IRX6: variants seen among roughly 807,000 people sequenced by gnomAD.
The protein encoded by IRX6 is iroquois-class homeodomain protein IRX-6.
IRX6 carries 46 observed loss-of-function variants against 47.7 expected under a neutral mutation model. The observed-to-expected ratio is 0.96, with a 90% CI of 0.76 to 1.23. The LOEUF is 1.23. Ranked by LOEUF, IRX6 falls within the 50% of genes most tolerant of loss-of-function variation. The pLI, the probability that IRX6 is intolerant of heterozygous loss-of-function variation, is 0.00. For synonymous variants in IRX6, 265 were observed against 246.2 expected, an observed-to-expected ratio of 1.08 and a Z score of -0.72; for missense variants, 722 against 588.0, an observed-to-expected ratio of 1.23 and a Z score of -2.36.
In IRX6 at chr16:55,327,671, G is replaced by A. The variant is rs532401556; in HGVS notation, c.499G>A (p.Glu167Lys). 25 of 1,612,336 alleles carry A rather than the reference G, an allele frequency of 1.6e-5. No individual in the cohort carries two copies. In the South Asian group the frequency reaches 1.6e-4, roughly 11 times the overall value. ...TTSTLKAWLN[E>K]HRKNPYPTKG... is the part of the protein sequence containing the mutation. ...CAGTACACTCAAGGCCTGGCTCAAC[G>A]AGCACCGCAAAAACCCCTACCCCAC... Residue 167 changes from glutamate (E) to lysine (K), a missense_variant, in exon 4 of 6, where the codon GAG becomes AAG. Transcript: ENST00000290552.
intron 4 of IRX6, among the ~76,000 whole-genome samples, chr16:55,328,255 A>C (rs1960572370): frequency 6.6e-6 from 1 of 152,198 alleles, no homozygotes; most frequent in African/African-American, 2.4e-5. Context: ...CTCCACCAGA[A>C]GCCTTACTTG....
Position 55,324,698 on chromosome 16 carries a change from C to G in IRX6, c.-394C>G, listed in dbSNP as rs540048289. The G allele has an allele frequency of 1.4e-5, 3 of 219,624 alleles. No homozygotes were observed. Among genetic ancestry groups the G allele is most frequent in the East Asian group, 1.4e-4 (1 of 7,166 alleles). 13.6% of individuals were successfully genotyped at this position (219,624 alleles called of 1,614,324 possible). ...CCCAGGGTCCCGGGGCCCGGGGTCCCGTCTGGCGGCCCGGGATTACCGTGA... is the reference window on the plus strand; with the variant it reads ...CCCAGGGTCCCGGGGCCCGGGGTCCGGTCTGGCGGCCCGGGATTACCGTGA... On this transcript the variant is annotated 5_prime_UTR_variant, in exon 1 of 6. Transcript: ENST00000290552. This position sits in a 1 kb window ranked among gnomAD's most constrained non-coding sequence, Gnocchi z 4.4.
intron 4 of IRX6, among the ~76,000 whole-genome samples, chr16:55,328,196 G>A (rs1355198785): frequency 3.9e-5 from 6 of 152,200 alleles, no homozygotes; most frequent in African/African-American, 1.4e-4. Context: ...TGCCATACTT[G>A]TCACTGTGAG....
chr16:55,329,449 C>A, intron 5 of IRX6, 138 bp downstream of exon 5: 1 of 1,115,510 alleles, frequency 9.0e-7, no homozygotes. Context: ...CTTTACAGCG[C>A]TCTTTCAGAC....
In IRX6 at chr16:55,329,206, T is replaced by C; in HGVS notation, c.1228T>C (p.Phe410Leu). 6.2e-7 allele frequency: 1 copy of C among 1,614,072 alleles called. No homozygotes were observed. The highest frequency in any genetic ancestry group is 8.5e-7 in the Non-Finnish European group (1 of 1,180,042). Residue 410 changes from phenylalanine (F) to leucine (L), a missense_variant, in exon 5 of 6, where the codon TTT becomes CTT. Transcript: ENST00000290552. ...CDESSCIPKA[F>L]GNPKFALQGL... ...CGAGTCTTCCTGCATACCCAAAGCC[T>C]TTGGAAACCCCAAGTTTGCCCTGCA...
At position 55,324,782 on chromosome 16, in the gene IRX6, G is replaced by A. The variant is rs1235537986; in HGVS notation, c.-310G>A. The A allele has an allele frequency of 8.8e-6, 4 of 456,538 alleles. No homozygotes were observed. Among genetic ancestry groups the A allele is most frequent in the Non-Finnish European group, 1.6e-5 (4 of 250,624 alleles). 28.3% of individuals were successfully genotyped at this position (456,538 alleles called of 1,614,324 possible). A position where few individuals can be genotyped will look rare whatever the true frequency, so the allele number is the denominator to read the frequency against. Reference sequence around the variant, plus strand: ...GACACCTCCGGAGCCTCACAGCCCCGCGCCGCGCCGCGCCTCACCTCGCCA... The same window carrying A: ...GACACCTCCGGAGCCTCACAGCCCCACGCCGCGCCGCGCCTCACCTCGCCA... On this transcript the variant is annotated 5_prime_UTR_variant, in exon 1 of 6. Coordinates refer to ENST00000290552, the MANE Select transcript of IRX6 (RefSeq NM_024335.3). The surrounding 1 kb of genome is among the most constrained non-coding windows in gnomAD (Gnocchi z 4.4).
At chr16:55,325,569 G>GAAGGAA (rs373316749) in intron 1 of IRX6, among the ~76,000 whole-genome samples, 1 of 115,440 alleles carries the variant, frequency 8.7e-6, no homozygotes, top group African/African-American at 3.3e-5. Flanking sequence ...GAGAAAGAAA[G>GAAGGAA]AGAAAGAAAG....
intron 2 of IRX6, 62 bp downstream of exon 2, chr16:55,326,655 G>A: frequency 6.9e-7 from 1 of 1,444,650 alleles, no homozygotes; most frequent in Non-Finnish European, 9.2e-7. Flanking sequence ...TCCAGAGAAA[G>A]TCAAGGAAAG....
chr16:55,325,117 C>A lies in IRX6; in HGVS notation c.26C>A (p.Pro9Gln). The A allele has an allele frequency of 1.2e-6, 2 of 1,613,966 alleles. No individual in the cohort carries two copies. Among genetic ancestry groups the A allele is most frequent in the Non-Finnish European group, 1.7e-6 (2 of 1,179,996 alleles). Residue 9 changes from proline to glutamine, a missense_variant, in exon 1 of 6, where the codon CCG (proline) becomes CAG (glutamine). By Grantham distance (76) the Pro-to-Gln change is moderately conservative. Coordinates refer to ENST00000290552, the MANE Select transcript of IRX6 (RefSeq NM_024335.3). ...ATGTCCTTCCCACACTTTGGACACC[C>A]GTACCGCGGCGCTTCCCAGGTAAGA... MSFPHFGH[P>Q]YRGASQFLAS... is the part of the protein sequence containing the mutation.
chr16:55,329,085 C>T lies in IRX6; in HGVS notation c.1107C>T (p.Ala369=), dbSNP rs544818948. ...GCGCTGTTGAAGGTGCACCCCCAGCCCGGCCTAGGCCACGAAGTCCTGAGT... is the reference window on the plus strand; with the variant it reads ...GCGCTGTTGAAGGTGCACCCCCAGCTCGGCCTAGGCCACGAAGTCCTGAGT... ...TASAVEGAPP[A]RPRPRSPECR... The change falls in exon 5 of 6, where the codon GCC becomes GCT. Residue 369 remains alanine, a synonymous_variant. Coordinates refer to ENST00000290552, the MANE Select transcript of IRX6 (RefSeq NM_024335.3). 163 of 1,614,114 alleles carry T rather than the reference C, an allele frequency of 1.0e-4. 2 individuals are homozygous for T. In the South Asian group the frequency reaches 1.3e-3, roughly 12 times the overall value.
chr16:55,327,168 G>A, intron 2 of IRX6, 128 bp from the exon 3 acceptor site: 1 of 676,822 alleles, frequency 1.5e-6, no homozygotes, highest in South Asian at 1.7e-5. Context: ...CACTGGTTAA[G>A]CAACTGTGCC....
chr16:55,327,354 C>T lies in IRX6; in HGVS notation c.362C>T (p.Pro121Leu), dbSNP rs759131603. ...AGSFTSSLAQ[P>L]GAYYPYERTL... is the part of the protein sequence containing the mutation. ...AGTTTTACATCCAGCCTGGCACAAC[C>T]AGGAGCCTATTATCCCTATGAGCGG... The change falls in exon 3 of 6, where the codon CCA (proline) becomes CTA (leucine). Residue 121 changes from proline to leucine, a missense_variant. Physicochemically the swap from Pro to Leu is moderately conservative, Grantham distance 98. Transcript: ENST00000290552. The T allele has an allele frequency of 6.2e-7, 1 of 1,614,058 alleles. No individual in the cohort carries two copies. Among genetic ancestry groups the T allele is most frequent in the South Asian group, 1.1e-5 (1 of 91,076 alleles).
At chr16:55,326,271 G>T in intron 1 of IRX6, 65 bp from the exon 2 acceptor site, 1 of 1,362,884 alleles carries the variant, frequency 7.3e-7, no homozygotes, top group Non-Finnish European at 9.9e-7. Flanking sequence ...TCCCTTCAGC[G>T]GGAGCGGGGG....
chr16:55,330,247 A>G, intron 5 of IRX6, 51 bp from the exon 6 acceptor site: 1 of 1,594,038 alleles, frequency 6.3e-7, no homozygotes, highest in Non-Finnish European at 8.6e-7. Context: ...AGGTTTCCTA[A>G]GAATTGCCAC....
chr16:55,326,202 A>T (rs1960518205), intron 1 of IRX6, 134 bp from the exon 2 acceptor site: 3 of 797,768 alleles, frequency 3.8e-6, no homozygotes. Flanking sequence ...TTAATGCATA[A>T]TGAAGGAATG....
chr16:55,326,679 G>A (rs970551165), intron 2 of IRX6, 86 bp downstream of exon 2: 17 of 1,380,440 alleles, frequency 1.2e-5, no homozygotes, highest in East Asian at 5.1e-5. Context: ...CACACCTCCC[G>A]AGGAAAGGAA....
intron 5 of IRX6, 54 bp downstream of exon 5, chr16:55,329,365 C>G (rs555808277): frequency 1.3e-6 from 2 of 1,529,636 alleles, no homozygotes; most frequent in East Asian, 2.3e-5. Flanking sequence ...ACCCACCTAC[C>G]GCCCCGCCCG....
Position 55,328,921 on chromosome 16 carries a change from C to A in IRX6, c.943C>A (p.Arg315Ser), listed in dbSNP as rs373583454. Residue 315 changes from arginine to serine, a missense_variant, in exon 5 of 6, where the codon CGC becomes AGC. Physicochemically the swap from Arg to Ser is moderately radical, Grantham distance 110. Coordinates refer to ENST00000290552, the MANE Select transcript of IRX6 (RefSeq NM_024335.3). Reference protein sequence around the residue: ...ERRECGLAAPRFSFNDPSGSE... With the variant: ...ERRECGLAAPSFSFNDPSGSE... ...CAGGGAGTGCGGCCTGGCTGCGCCC[C>A]GCTTCTCCTTCAATGACCCTTCCGG... 5 of 1,613,192 alleles carry A rather than the reference C, an allele frequency of 3.1e-6. No individual in the cohort carries two copies. Among genetic ancestry groups the A allele is most frequent in the Non-Finnish European group, 4.2e-6 (5 of 1,180,000 alleles).
intron 1 of IRX6, among the ~76,000 whole-genome samples, chr16:55,325,530 G>GGAAGGAAGGAGAGA (rs1491427085): frequency 2.2e-4 from 2 of 9,082 alleles, no homozygotes; most frequent in African/African-American, 1.5e-3. Context: ...AAGGAAGGAA[G>GGAAGGAAGGAGAGA]GAGAGAGAGA....
Sources: allele counts gnomAD v4.1 joint callset (sites outside exome capture counted in the v4.1 genomes callset), GRCh38; gene constraint gnomAD v4.1.1; non-coding constraint Gnocchi (gnomAD v3.1); transcripts MANE v1.5; gene names NCBI Gene and HGNC (gene_info 2026-07-23, HGNC 2026-07-21).